ARF4: variants seen among roughly 807,000 people sequenced by gnomAD.
The protein encoded by ARF4 is ADP-ribosylation factor 4.
In ARF4, 5 loss-of-function variants were observed where a neutral mutation model predicts 24.3. The ratio of observed to expected loss-of-function variants is 0.21; its 90% CI spans 0.11 to 0.43. ARF4 has a LOEUF of 0.43. Ranked by LOEUF, ARF4 falls within the 20% of genes least tolerant of loss-of-function variation. ARF4 has a pLI of 1.00. For missense variants in ARF4, 107 were observed against 213.0 expected (o/e 0.50, Z 3.10); for synonymous variants, 62 against 73.5 (o/e 0.84, Z 0.80).
At chr3:57,591,583 C>T (rs2070117176) in intron 1 of ARF4, among the ~76,000 whole-genome samples, 4 of 151,744 alleles carry the variant, frequency 2.6e-5, no homozygotes, top group Admixed American at 6.6e-5. Context: ...TCTCGTGCCT[C>T]GGCCTCCTGA....
rs932126456 is a variant in ARF4, at chr3:57,587,522, A to AT, written c.68-3059dup. On this transcript the variant is annotated intron_variant, in intron 1 of 5. Coordinates refer to ENST00000303436, the MANE Select transcript of ARF4 (RefSeq NM_001660.4). ...TTTCCTTGCTCCTCTACTGATAGGA[A>AT]TTTTTTTTTACCCAAAAATCATGTA... 1.2e-4 allele frequency among the ~76,000 whole-genome samples: 18 copies of AT among 151,260 alleles called. 1 individual carries two copies. Among genetic ancestry groups the AT allele is most frequent in the South Asian group, 8.3e-4 (4 of 4,794 alleles).
At chr3:57,591,687 G>C (rs1174249754) in intron 1 of ARF4, among the ~76,000 whole-genome samples, 3 of 151,918 alleles carry the variant, frequency 2.0e-5, no homozygotes, top group Admixed American at 1.3e-4. Context: ...GGCTGGTCTC[G>C]AACTCCTGAC....
chr3:57,571,447 AACTCT>A lies in ARF4; in HGVS notation c.*760_*764del, dbSNP rs562224016. ...CATCGAATTTGATGAGTTTTCCAAA[AACTCT>A]TAATGAAGATATGTCTGCCCAATAA... On this transcript the variant is annotated 3_prime_UTR_variant, in exon 6 of 6. Transcript: ENST00000303436. 69 of 152,762 alleles carry A rather than the reference AACTCT, an allele frequency of 4.5e-4. No individual in the cohort carries two copies. Among genetic ancestry groups the A allele is most frequent in the Admixed American group, 1.5e-3 (23 of 15,296 alleles). The allele number at this position is 152,762 out of a possible 1,614,324, so 9.5% of individuals were successfully genotyped here.
chr3:57,597,275 G>T lies in ARF4; in HGVS notation c.-135C>A. ...GAGGAAGAAAGAGGGAGGCAGAAAC[G>T]TCTCAGTGGCCCCTGTGCCGATGAA... On this transcript the variant is annotated 5_prime_UTR_variant, in exon 1 of 6. Coordinates refer to ENST00000303436, the MANE Select transcript of ARF4 (RefSeq NM_001660.4). 1 of 813,868 alleles carries T rather than the reference G, an allele frequency of 1.2e-6. No individual in the cohort carries two copies. The highest frequency in any genetic ancestry group is 2.0e-6 in the Non-Finnish European group (1 of 500,976). The allele number at this position is 813,868 out of a possible 1,614,324, so 50.4% of individuals were successfully genotyped here.
Position 57,583,899 on chromosome 3 carries a change from TG to T in ARF4, c.256del (p.Gln86ArgfsTer7). On this transcript the variant is annotated frameshift_variant and splice_region_variant, in exon 3 of 6. Coordinates refer to ENST00000303436, the MANE Select transcript of ARF4 (RefSeq NM_001660.4). LOFTEE classifies it high-confidence loss of function. Reference sequence around the variant, plus strand: ...ATAAAAACATACAGTATCCCTTACCTGGGTATTCTGGAAGTAATGCTTCCAG... The same window carrying T: ...ATAAAAACATACAGTATCCCTTACCTGGTATTCTGGAAGTAATGCTTCCAG... ...PLWKHYFQNTQGLIFVVDSND... is the reference protein window; with the variant it reads ...PLWKHYFQNTXGLIFVVDSND... The T allele has an allele frequency of 6.3e-7, 1 of 1,583,554 alleles. No individual in the cohort carries two copies. Among genetic ancestry groups the T allele is most frequent in the South Asian group, 1.1e-5 (1 of 89,366 alleles).
At position 57,597,176 on chromosome 3, in the gene ARF4, G is replaced by A. The variant is rs894925007; in HGVS notation, c.-36C>T. Reference sequence around the variant, plus strand: ...GCACTTGTGATGGGCAGAAGCAGAAGGGGTTTGGGGCGACCCCGTGCTTTC... The same window carrying A: ...GCACTTGTGATGGGCAGAAGCAGAAAGGGTTTGGGGCGACCCCGTGCTTTC... On this transcript the variant is annotated 5_prime_UTR_variant, in exon 1 of 6. Transcript: ENST00000303436. The A allele has an allele frequency of 5.7e-6, 9 of 1,590,382 alleles. No individual in the cohort carries two copies. The highest frequency in any genetic ancestry group is 4.0e-5 in the African/African-American group (3 of 74,428).
intron 1 of ARF4, chr3:57,596,659 G>C (rs931572340): frequency 5.4e-6 from 1 of 186,836 alleles, no homozygotes; most frequent in African/African-American, 2.4e-5. Flanking sequence ...GAAGGGGAGG[G>C]AAAAGGCTGG....
chr3:57,582,899 A>G (rs2069992879), intron 3 of ARF4, among the ~76,000 whole-genome samples: 3 of 152,212 alleles, frequency 2.0e-5, no homozygotes, highest in Admixed American at 2.0e-4. Flanking sequence ...CCTCATATGT[A>G]AGAGAGTTAG....
At chr3:57,574,408 A>AAT in intron 5 of ARF4, among the ~76,000 whole-genome samples, 1 of 145,332 alleles carries the variant, frequency 6.9e-6, no homozygotes, top group South Asian at 2.2e-4. Context: ...AGAAGTACAA[A>AAT]TTTTTTTTTT....
rs555035983 is a variant in ARF4, at chr3:57,571,569, A to C, written c.*643T>G. On this transcript the variant is annotated 3_prime_UTR_variant, in exon 6 of 6. Transcript: ENST00000303436. Reference sequence around the variant, plus strand: ...ACATAAAAAAGACACAATATAAAGGAAGACAATCTGCTGAGTATTAAAAAC... The same window carrying C: ...ACATAAAAAAGACACAATATAAAGGCAGACAATCTGCTGAGTATTAAAAAC... The C allele has an allele frequency of 1.3e-4, 20 of 152,826 alleles. No individual in the cohort carries two copies. The South Asian group carries it at 4.1e-3, about 32-fold the overall frequency. The allele number at this position is 152,826 out of a possible 1,614,324, so 9.5% of individuals were successfully genotyped here.
chr3:57,593,617 A>G (rs1474649280), intron 1 of ARF4, among the ~76,000 whole-genome samples: 2 of 152,258 alleles, frequency 1.3e-5, no homozygotes, highest in Non-Finnish European at 2.9e-5. Context: ...AGTTCAAAGT[A>G]AAGAGATCAG....
At chr3:57,585,236 A>T (rs2070022292) in intron 1 of ARF4, among the ~76,000 whole-genome samples, 1 of 152,208 alleles carries the variant, frequency 6.6e-6, no homozygotes, top group Non-Finnish European at 1.5e-5. Flanking sequence ...AATTCTTAAG[A>T]TTTGTAAAAA....
chr3:57,584,258 C>T (rs888273088), intron 2 of ARF4, 126 bp downstream of exon 2: 7 of 977,682 alleles, frequency 7.2e-6, no homozygotes, highest in Admixed American at 4.5e-5. Flanking sequence ...CCACCACACC[C>T]GGCCTGTTTT....
intron 3 of ARF4, among the ~76,000 whole-genome samples, chr3:57,578,526 T>C (rs559862406): frequency 6.6e-6 from 1 of 150,868 alleles, no homozygotes; most frequent in African/African-American, 2.4e-5. Flanking sequence ...CTCTGTTGCC[T>C]AGGAGCACAG....
In ARF4 at chr3:57,586,388, G is replaced by A. The variant is rs540888987; in HGVS notation, c.68-1924C>T. Among the ~76,000 whole-genome samples, 23 of 152,296 alleles carry A rather than the reference G, an allele frequency of 1.5e-4. No individual in the cohort carries two copies. In the East Asian group the frequency reaches 4.2e-3, roughly 28 times the overall value. The stretch of plus-strand genomic sequence containing the variant: ...TCACTTATCTAATTTACATTCCTAT[G>A]CAAGTAAGTCTATCTTTTATCAGTT... On this transcript the variant is annotated intron_variant, in intron 1 of 5. Transcript: ENST00000303436.
At chr3:57,572,396 T>C in intron 5 of ARF4, 98 bp from the exon 6 acceptor site, 1 of 863,884 alleles carries the variant, frequency 1.2e-6, no homozygotes, top group Non-Finnish European at 1.8e-6. Flanking sequence ...TTTTCACACC[T>C]CTTGCATCTC....
At chr3:57,596,257 C>T (rs2070181073) in intron 1 of ARF4, among the ~76,000 whole-genome samples, 1 of 152,134 alleles carries the variant, frequency 6.6e-6, no homozygotes, top group Admixed American at 6.5e-5. Flanking sequence ...CCATAAAATT[C>T]AGCGTCATGA....
At chr3:57,584,597 G>T (rs2070014726) in intron 1 of ARF4, 133 bp from the exon 2 acceptor site, 3 of 756,184 alleles carry the variant, frequency 4.0e-6, no homozygotes, top group East Asian at 2.6e-5. Flanking sequence ...GAAATGAAAT[G>T]ACCTTATTTC....
rs369343914 is a variant in ARF4 at position 57,584,474 on chromosome 3, G to A, written c.68-10C>T. On this transcript the variant is annotated splice_polypyrimidine_tract_variant and intron_variant, in intron 1 of 5. Transcript: ENST00000303436. Reference sequence around the variant, plus strand: ...GCAGCATCCAATCCAACTAGAAGAAGACATTATAGATTTAAAATCCAGACC... The same window carrying A: ...GCAGCATCCAATCCAACTAGAAGAAAACATTATAGATTTAAAATCCAGACC... The A allele has an allele frequency of 4.4e-6, 7 of 1,605,950 alleles. No individual in the cohort carries two copies. In the Admixed American group the frequency reaches 5.0e-5, roughly 12 times the overall value.
Sources: gnomAD v4.1 joint callset for allele counts (sites outside exome capture counted in the v4.1 genomes callset) on GRCh38, gnomAD v4.1.1 for gene constraint, MANE v1.5 for transcripts, NCBI Gene and HGNC (gene_info 2026-07-23, HGNC 2026-07-21) for gene names.